Variants in NKAIN3 observed in about 807,000 individuals in gnomAD.
NKAIN3 encodes the protein sodium/potassium transporting ATPase interacting 3.
A neutral mutation model predicts 30.2 loss-of-function variants in NKAIN3; 25 were observed. That is an observed-to-expected ratio of 0.83 (90% CI 0.60 to 1.16). The LOEUF (loss-of-function observed/expected upper bound fraction) is 1.16, where lower values mean the gene tolerates loss of function less well. NKAIN3 is among the 50% of genes most tolerant of loss of function. The pLI, the probability that NKAIN3 is intolerant of heterozygous loss-of-function variation, is 0.00. For synonymous variants in NKAIN3, 91 were observed against 89.6 expected (o/e 1.02, Z -0.09); for missense variants, 225 against 254.1 (o/e 0.89, Z 0.78).
intron 1 of NKAIN3, among the ~76,000 whole-genome samples, chr8:62,280,136 A>G (rs528016563): frequency 1.6e-4 from 24 of 150,322 alleles, no homozygotes; most frequent in African/African-American, 4.7e-4. Flanking sequence ...CTTTGAAGCA[A>G]TTGTGAATGG....
chr8:62,786,978 C>A (rs1452165057), intron 4 of NKAIN3, among the ~76,000 whole-genome samples: 3 of 152,094 alleles, frequency 2.0e-5, no homozygotes, highest in East Asian at 1.9e-4. Context: ...AATGGGAAAC[C>A]CAGGCATTGG....
rs370927814 is a variant in NKAIN3, at chr8:62,407,188, A to T, written c.54+158061A>T. On this transcript the variant is annotated intron_variant, in intron 1 of 6. Coordinates refer to ENST00000623646, the MANE Select transcript of NKAIN3 (RefSeq NM_001304533.3). ...AAAAACTCATAAATCAACCATTCAG[A>T]GATAAACATATTAATATTTTAATAG... Among the ~76,000 whole-genome samples the T allele has an allele frequency of 9.9e-4, 150 of 152,100 alleles. 2 individuals carry two copies. In the South Asian group the frequency reaches 0.029, roughly 29 times the overall value.
chr8:62,989,750 T>C (rs1824280761), downstream of NKAIN3, among the ~76,000 whole-genome samples: 1 of 152,200 alleles, frequency 6.6e-6, no homozygotes, highest in Admixed American at 6.5e-5. Flanking sequence ...ACATTTACTC[T>C]GTGGAAGATG....
intron 1 of NKAIN3, among the ~76,000 whole-genome samples, chr8:62,445,268 A>T (rs1380474024): frequency 2.6e-5 from 4 of 151,708 alleles, no homozygotes; most frequent in Non-Finnish European, 5.9e-5. Flanking sequence ...TCTGATGGTG[A>T]ATGATTTTGA....
intron 1 of NKAIN3, among the ~76,000 whole-genome samples, chr8:62,440,257 T>C (rs1259087718): frequency 6.6e-6 from 1 of 152,162 alleles, no homozygotes; most frequent in Non-Finnish European, 1.5e-5. Flanking sequence ...CCTTCATGTG[T>C]GAATTTTATG....
chr8:62,898,780 A>G (rs1386072350), intron 4 of NKAIN3, among the ~76,000 whole-genome samples: 1 of 152,124 alleles, frequency 6.6e-6, no homozygotes, highest in Non-Finnish European at 1.5e-5. Context: ...AACAATCAAC[A>G]AGGTGAAGAG....
intron 4 of NKAIN3, among the ~76,000 whole-genome samples, chr8:62,881,709 A>G (rs1820988293): frequency 1.3e-5 from 2 of 152,168 alleles, no homozygotes; most frequent in African/African-American, 4.8e-5. Flanking sequence ...CCATGTTCAG[A>G]TTTTTGTGCA....
intron 3 of NKAIN3, among the ~76,000 whole-genome samples, chr8:62,643,723 G>A (rs1296199561): frequency 6.6e-6 from 1 of 152,028 alleles, no homozygotes; most frequent in Non-Finnish European, 1.5e-5. Context: ...ATCCACTTGT[G>A]GAATTTTCCT....
intron 4 of NKAIN3, among the ~76,000 whole-genome samples, chr8:62,867,502 A>G (rs1245524186): frequency 8.5e-5 from 13 of 152,232 alleles, no homozygotes; most frequent in Non-Finnish European, 1.3e-4. Context: ...AAAAGAAAAT[A>G]GGAGATAGGA....
chr8:62,874,352 CA>C (rs1203768171), intron 4 of NKAIN3, among the ~76,000 whole-genome samples: 1 of 151,784 alleles, frequency 6.6e-6, no homozygotes, highest in Non-Finnish European at 1.5e-5. Context: ...GCCTACCAAC[CA>C]AAAAAACCCC....
At position 62,692,060 on chromosome 8, in the gene NKAIN3, CA is replaced by C. The variant is rs374215545; in HGVS notation, c.274-54871del. On this transcript the variant is annotated intron_variant, in intron 3 of 6. Transcript: ENST00000623646. ...GGCTTTTCTCGGCATAATCTTCCAG[CA>C]GGCCATCCTGGGCTTTTTGTCCAGT... Among the ~76,000 whole-genome samples the C allele has an allele frequency of 1.4e-4, 21 of 152,286 alleles. No homozygotes were observed. In the South Asian group the frequency reaches 3.7e-3, roughly 27 times the overall value.
intron 1 of NKAIN3, among the ~76,000 whole-genome samples, chr8:62,500,859 A>G (rs1696029600): frequency 6.6e-6 from 1 of 151,856 alleles, no homozygotes; most frequent in Non-Finnish European, 1.5e-5. Flanking sequence ...TTCTCTTGCC[A>G]CTCTCTATGT....
At chr8:62,309,901 A>T (rs532645323) in intron 1 of NKAIN3, among the ~76,000 whole-genome samples, 1 of 150,480 alleles carries the variant, frequency 6.6e-6, no homozygotes, top group East Asian at 1.9e-4. Context: ...AATATCCCTG[A>T]AACTCATCTA....
intron 1 of NKAIN3, among the ~76,000 whole-genome samples, chr8:62,530,875 C>A (rs944304700): frequency 6.6e-6 from 1 of 152,020 alleles, no homozygotes; most frequent in Non-Finnish European, 1.5e-5. Context: ...GAACTCCCGA[C>A]CTCAGGTCAT....
Position 62,815,390 on chromosome 8 carries a change from C to T in NKAIN3, c.471+68261C>T, listed in dbSNP as rs371086725. The stretch of plus-strand genomic sequence containing the variant: ...TTTTATGAGGCCAGCATCATCCTGA[C>T]ACCAAAGCCTGGCAGAGACACAACC... On this transcript the variant is annotated intron_variant, in intron 4 of 6. Coordinates refer to ENST00000623646, the MANE Select transcript of NKAIN3 (RefSeq NM_001304533.3). Among the ~76,000 whole-genome samples, 9 of 151,744 alleles carry T rather than the reference C, an allele frequency of 5.9e-5. No homozygotes were observed. The East Asian group carries it at 1.4e-3, about 23-fold the overall frequency.
chr8:62,622,190 A>G (rs6991546), intron 3 of NKAIN3, among the ~76,000 whole-genome samples: 26,772 of 151,826 alleles, frequency 0.18, 2,772 homozygotes, highest in East Asian at 0.32. Flanking sequence ...ACCATTTACC[A>G]AAGGATATCT....
chr8:62,880,896 A>T (rs1039857472), intron 4 of NKAIN3, among the ~76,000 whole-genome samples: 1 of 152,210 alleles, frequency 6.6e-6, no homozygotes, highest in African/African-American at 2.4e-5. Flanking sequence ...TCATTTCTGT[A>T]TATTTAATTT....
At chr8:62,773,660 C>T (rs1010302212) in intron 4 of NKAIN3, among the ~76,000 whole-genome samples, 18 of 151,998 alleles carry the variant, frequency 1.2e-4, no homozygotes, top group Admixed American at 3.3e-4. Context: ...ATAAGTCTCA[C>T]GAGATCTAGT....
intron 3 of NKAIN3, among the ~76,000 whole-genome samples, chr8:62,714,598 A>T (rs1814828768): frequency 6.6e-6 from 1 of 152,198 alleles, no homozygotes; most frequent in East Asian, 1.9e-4. Flanking sequence ...AATATAAAAA[A>T]TAAAAGAATA....
Sources: gnomAD v4.1 joint callset for allele counts (sites outside exome capture counted in the v4.1 genomes callset) on GRCh38, gnomAD v4.1.1 for gene constraint, MANE v1.5 for transcripts, NCBI Gene and HGNC (gene_info 2026-07-23, HGNC 2026-07-21) for gene names.